Variants in ZNF385D observed in about 807,000 individuals in gnomAD.
The protein encoded by ZNF385D is zinc finger protein 659.
Under a neutral mutation model 35.8 loss-of-function variants are expected in ZNF385D, and 15 were observed. That is an observed-to-expected ratio of 0.42 (90% CI 0.28 to 0.64). The LOEUF (loss-of-function observed/expected upper bound fraction) is 0.64, where lower values mean the gene tolerates loss of function less well. Ranked by LOEUF, ZNF385D falls within the 30% of genes least tolerant of loss-of-function variation. The pLI, the probability that ZNF385D is intolerant of heterozygous loss-of-function variation, is 0.23. For synonymous variants in ZNF385D, 212 were observed against 186.8 expected (o/e 1.13, Z -1.10); for missense variants, 474 against 494.6 (o/e 0.96, Z 0.39).
Position 21,425,538 on chromosome 3 carries a change from C to A in ZNF385D, c.806G>T (p.Cys269Phe). ...GTTGACGTGCACATCACAGATTTCACAGTGAAATGTTTTATTTTGGAGGCC... is the reference window on the plus strand; with the variant it reads ...GTTGACGTGCACATCACAGATTTCAAAGTGAAATGTTTTATTTTGGAGGCC... ...NTGLQNKTFHCEICDVHVNSE... is the reference protein window; with the variant it reads ...NTGLQNKTFHFEICDVHVNSE... The change falls in exon 6 of 8, where the codon TGT (cysteine) becomes TTT (phenylalanine). Residue 269 changes from cysteine to phenylalanine, a missense_variant. Transcript: ENST00000281523. 1 of 1,611,364 alleles carries A rather than the reference C, an allele frequency of 6.2e-7. No individual in the cohort carries two copies. Among genetic ancestry groups the A allele is most frequent in the Non-Finnish European group, 8.5e-7 (1 of 1,178,702 alleles).
At chr3:22,293,939 T>C (rs764836101) in intron 2 of ZNF385D, among the ~76,000 whole-genome samples, 10 of 152,116 alleles carry the variant, frequency 6.6e-5, no homozygotes, top group Non-Finnish European at 1.0e-4. Flanking sequence ...CCTACATACT[T>C]GTTCATTTTA....
intron 2 of ZNF385D, among the ~76,000 whole-genome samples, chr3:21,661,166 G>T (rs2125248889): frequency 6.6e-6 from 1 of 152,210 alleles, no homozygotes; most frequent in Middle Eastern, 3.4e-3. Context: ...TACTCCCAAT[G>T]GTTTTGTATG....
chr3:21,610,754 G>A (rs1388097493), intron 2 of ZNF385D, among the ~76,000 whole-genome samples: 4 of 148,224 alleles, frequency 2.7e-5, no homozygotes, highest in African/African-American at 1.0e-4. Flanking sequence ...CAGTCTGGGC[G>A]ACAGAGCGAG....
chr3:21,754,578 T>C (rs1424999632), upstream of ZNF385D, among the ~76,000 whole-genome samples: 5 of 152,154 alleles, frequency 3.3e-5, no homozygotes. Context: ...CATTCAAATA[T>C]TGCTCAAAGG....
chr3:21,968,256 C>A (rs1703024161), intron 3 of ZNF385D, among the ~76,000 whole-genome samples: 1 of 152,150 alleles, frequency 6.6e-6, no homozygotes, highest in African/African-American at 2.4e-5. Flanking sequence ...TCTCAGCAGT[C>A]TGAATATGAG....
At chr3:21,589,159 T>A (rs866494784) in intron 2 of ZNF385D, among the ~76,000 whole-genome samples, 1 of 152,068 alleles carries the variant, frequency 6.6e-6, no homozygotes, top group Admixed American at 6.5e-5. Flanking sequence ...ATTTTAGATA[T>A]AAATGGCCAT....
intron 1 of ZNF385D, among the ~76,000 whole-genome samples, chr3:21,709,161 T>G (rs1440680213): frequency 6.6e-6 from 1 of 152,192 alleles, no homozygotes. Flanking sequence ...TGAGTATTAG[T>G]GGATACCATA....
chr3:21,762,930 C>G (rs1306644006), intron 3 of ZNF385D, among the ~76,000 whole-genome samples: 1 of 152,176 alleles, frequency 6.6e-6, no homozygotes, highest in South Asian at 2.1e-4. Context: ...CCTCTTCTCC[C>G]TTCCACAGTG....
At chr3:21,684,398 CTCTCTCCTCTCT>C (rs2067027821) in intron 1 of ZNF385D, among the ~76,000 whole-genome samples, 1 of 82,792 alleles carries the variant, frequency 1.2e-5, no homozygotes, top group African/African-American at 6.3e-5. Flanking sequence ...CTCTCTCTCT[CTCTCTCCTCTCT>C]CTCTCTCTCT....
chr3:21,620,045 C>T (rs1433988301), intron 2 of ZNF385D, among the ~76,000 whole-genome samples: 3 of 152,068 alleles, frequency 2.0e-5, no homozygotes, highest in African/African-American at 7.2e-5. Flanking sequence ...CCTAATGCAC[C>T]GGTATGATTA....
intron 4 of ZNF385D, among the ~76,000 whole-genome samples, chr3:21,495,513 A>G (rs2125418288): frequency 1.3e-5 from 2 of 152,286 alleles, no homozygotes; most frequent in South Asian, 4.1e-4. Flanking sequence ...AATGAGTGCA[A>G]AGGTACAACA....
chr3:21,664,175 A>C (rs2066331083), intron 2 of ZNF385D, among the ~76,000 whole-genome samples: 1 of 151,714 alleles, frequency 6.6e-6, no homozygotes, highest in Admixed American at 6.6e-5. Flanking sequence ...TTTTCATCCT[A>C]AGAATACTCT....
intron 3 of ZNF385D, among the ~76,000 whole-genome samples, chr3:21,532,457 A>T (rs949921244): frequency 1.3e-5 from 2 of 152,180 alleles, no homozygotes; most frequent in Non-Finnish European, 2.9e-5. Context: ...CAATATCACA[A>T]TTAGCTGAAT....
At position 22,309,069 on chromosome 3, in the gene ZNF385D, A is replaced by C. The variant is rs372883200; in HGVS notation, c.106+63381T>G. 5.3e-5 allele frequency among the ~76,000 whole-genome samples: 8 copies of C among 152,198 alleles called. No homozygotes were observed. In the South Asian group the frequency reaches 1.0e-3, roughly 20 times the overall value. On this transcript the variant is annotated intron_variant, in intron 2 of 5. Transcript: ENST00000494108. Reference sequence around the variant, plus strand: ...CCAGAAAGGAAATCATAAGCCAGAAAACCACACTGTGTAACTTGAAGGGTG... The same window carrying C: ...CCAGAAAGGAAATCATAAGCCAGAACACCACACTGTGTAACTTGAAGGGTG...
intron 2 of ZNF385D, among the ~76,000 whole-genome samples, chr3:22,280,462 G>T (rs1439553787): frequency 6.6e-6 from 1 of 151,806 alleles, no homozygotes; most frequent in Non-Finnish European, 1.5e-5. Flanking sequence ...AAGAGAAGAG[G>T]ATCCAGTTTC....
At chr3:21,889,926 A>G (rs1698760700) in intron 3 of ZNF385D, among the ~76,000 whole-genome samples, 1 of 151,978 alleles carries the variant, frequency 6.6e-6, no homozygotes, top group South Asian at 2.1e-4. Flanking sequence ...TCCAATCTTC[A>G]CATAGCATCT....
At chr3:21,791,762 A>G (rs1295106219) in intron 3 of ZNF385D, among the ~76,000 whole-genome samples, 1 of 152,124 alleles carries the variant, frequency 6.6e-6, no homozygotes, top group South Asian at 2.1e-4. Context: ...TTGAGATGGC[A>G]TCTCACTCTG....
intron 2 of ZNF385D, among the ~76,000 whole-genome samples, chr3:21,637,399 T>G (rs1259238561): frequency 6.6e-6 from 1 of 152,098 alleles, no homozygotes; most frequent in Non-Finnish European, 1.5e-5. Flanking sequence ...TTGTCAAAGA[T>G]TAGTTGGCTG....
At chr3:21,719,385 C>A (rs1292660561) in intron 1 of ZNF385D, among the ~76,000 whole-genome samples, 1 of 152,180 alleles carries the variant, frequency 6.6e-6, no homozygotes, top group Non-Finnish European at 1.5e-5. Flanking sequence ...ATGCAGCAAC[C>A]CTGGTGACTG....
Sources: gnomAD v4.1 joint callset for allele counts (sites outside exome capture counted in the v4.1 genomes callset) on GRCh38, gnomAD v4.1.1 for gene constraint, MANE v1.5 for transcripts, NCBI Gene and HGNC (gene_info 2026-07-23, HGNC 2026-07-21) for gene names.